The following GPC6 variants were observed in gnomAD, a reference collection of about 807,000 sequenced individuals.
GPC6 encodes glypican-6.
Under a neutral mutation model 55.2 loss-of-function variants are expected in GPC6, and 14 were observed. The observed-to-expected ratio is 0.25, with a 90% CI of 0.17 to 0.40. The LOEUF is 0.40. Among genes scored for constraint, GPC6 ranks in the 10% least tolerant of loss-of-function variants. The pLI, the probability that GPC6 is intolerant of heterozygous loss-of-function variation, is 1.00. For missense variants in GPC6, 641 were observed against 708.5 expected (o/e 0.90, Z 1.08); for synonymous variants, 278 against 259.6 (o/e 1.07, Z -0.68).
intron 3 of GPC6, among the ~76,000 whole-genome samples, chr13:93,902,815 T>G (rs935784504): frequency 6.6e-6 from 1 of 152,244 alleles, no homozygotes; most frequent in Non-Finnish European, 1.5e-5. Flanking sequence ...ATAAAACTGT[T>G]ACACATTTGT....
intron 6 of GPC6, among the ~76,000 whole-genome samples, chr13:94,371,792 GT>G (rs1430746685): frequency 1.3e-5 from 2 of 152,134 alleles, no homozygotes; most frequent in East Asian, 3.8e-4. Context: ...TTCAATAATG[GT>G]TGACTATTTT....
intron 4 of GPC6, among the ~76,000 whole-genome samples, chr13:94,271,161 T>C (rs1891994095): frequency 6.6e-6 from 1 of 150,790 alleles, no homozygotes; most frequent in African/African-American, 2.4e-5. Flanking sequence ...CGGCTAATTT[T>C]TTGTATTTTT....
chr13:94,038,366 C>G (rs1317331004), intron 4 of GPC6, among the ~76,000 whole-genome samples: 1 of 151,774 alleles, frequency 6.6e-6, no homozygotes, highest in Non-Finnish European at 1.5e-5. Context: ...TAGACCTAGA[C>G]TAGGCACATA....
intron 3 of GPC6, among the ~76,000 whole-genome samples, chr13:93,840,121 A>G (rs769489187): frequency 6.6e-6 from 1 of 152,072 alleles, no homozygotes; most frequent in Non-Finnish European, 1.5e-5. Context: ...GGTAATTTTA[A>G]AATTACCATT....
chr13:93,971,333 G>A (rs1410781974), intron 3 of GPC6, among the ~76,000 whole-genome samples: 1 of 152,156 alleles, frequency 6.6e-6, no homozygotes, highest in Non-Finnish European at 1.5e-5. Context: ...AGAAGTAACT[G>A]TGTATGGTGA....
At chr13:94,391,880 G>A (rs763844537) in intron 7 of GPC6, among the ~76,000 whole-genome samples, 1 of 152,066 alleles carries the variant, frequency 6.6e-6, no homozygotes, top group Admixed American at 6.5e-5. Context: ...CCTCATATAA[G>A]TGGAATCATA....
At chr13:94,198,823 G>T (rs1889662153) in intron 4 of GPC6, among the ~76,000 whole-genome samples, 2 of 152,178 alleles carry the variant, frequency 1.3e-5, no homozygotes, top group African/African-American at 4.8e-5. Flanking sequence ...GTTGCTGTTT[G>T]CTCAACCCCC....
chr13:93,495,588 A>C (rs1178068668), intron 1 of GPC6, among the ~76,000 whole-genome samples: 131 of 114,704 alleles, frequency 1.1e-3, no homozygotes, highest in African/African-American at 4.0e-3. Context: ...CCTTTGGAGG[A>C]GGAGAGGTGC....
intron 4 of GPC6, among the ~76,000 whole-genome samples, chr13:94,202,464 G>T (rs1461554939): frequency 6.6e-6 from 1 of 152,160 alleles, no homozygotes; most frequent in Non-Finnish European, 1.5e-5. Context: ...AAGAATGAGA[G>T]CCAAGTGAAA....
chr13:93,579,749 A>G (rs1364873046), intron 2 of GPC6, among the ~76,000 whole-genome samples: 2 of 152,106 alleles, frequency 1.3e-5, no homozygotes, highest in Non-Finnish European at 2.9e-5. Context: ...ATTGTTTAGG[A>G]CTCATAAGAC....
intron 1 of GPC6, among the ~76,000 whole-genome samples, chr13:93,281,264 T>C (rs1395500445): frequency 1.3e-5 from 2 of 152,128 alleles, no homozygotes; most frequent in African/African-American, 4.8e-5. Context: ...CATTTATTTA[T>C]TTATTTCTCA....
intron 1 of GPC6, among the ~76,000 whole-genome samples, chr13:93,252,760 A>G (rs1876829620): frequency 6.6e-6 from 1 of 152,224 alleles, no homozygotes; most frequent in Non-Finnish European, 1.5e-5. Flanking sequence ...TAGGTACTCA[A>G]TAAATAATTA....
At chr13:93,929,143 A>G (rs1280988191) in intron 3 of GPC6, among the ~76,000 whole-genome samples, 1 of 152,132 alleles carries the variant, frequency 6.6e-6, no homozygotes, top group Non-Finnish European at 1.5e-5. Flanking sequence ...TTCATGATTC[A>G]TACCTGGCCC....
At chr13:93,689,449 G>C (rs1594373954) in intron 2 of GPC6, among the ~76,000 whole-genome samples, 1 of 152,030 alleles carries the variant, frequency 6.6e-6, no homozygotes. Flanking sequence ...GGAGTATCAA[G>C]CACATTAGGG....
intron 2 of GPC6, among the ~76,000 whole-genome samples, chr13:93,549,150 G>A (rs1874988445): frequency 6.6e-6 from 1 of 152,070 alleles, no homozygotes; most frequent in East Asian, 1.9e-4. Flanking sequence ...AATTTTGGAT[G>A]GATGAAGACC....
At chr13:93,466,294 G>T (rs556936739) in intron 1 of GPC6, among the ~76,000 whole-genome samples, 24 of 152,192 alleles carry the variant, frequency 1.6e-4, no homozygotes, top group African/African-American at 4.6e-4. Flanking sequence ...GATTCATCTA[G>T]ATATTCTTTG....
chr13:93,386,395 T>G (rs1170828248), intron 1 of GPC6, among the ~76,000 whole-genome samples: 10 of 152,170 alleles, frequency 6.6e-5, no homozygotes. Context: ...TTTTTCCTCT[T>G]GTCAGGAATA....
chr13:93,454,609 T>C lies in GPC6; in HGVS notation c.161-90654T>C, dbSNP rs555986181. ...GAGCTAGAGACAGGGTGCTGAGTGG[T>C]GTTTTTACAAACCTTGAGCTAGAGA... On this transcript the variant is annotated intron_variant, in intron 1 of 8. Transcript: ENST00000377047. Among the ~76,000 whole-genome samples the C allele has an allele frequency of 4.1e-5, 4 of 96,524 alleles. No individual in the cohort carries two copies. The Admixed American group carries it at 4.3e-4, about 10-fold the overall frequency. The allele number at this position is 96,524 out of a possible 152,430, so 63.3% of individuals were successfully genotyped here. A position where few individuals can be genotyped will look rare whatever the true frequency, so the allele number is the denominator to read the frequency against.
chr13:93,567,435 G>A (rs769621158), intron 2 of GPC6, among the ~76,000 whole-genome samples: 2 of 151,960 alleles, frequency 1.3e-5, no homozygotes, highest in Non-Finnish European at 2.9e-5. Context: ...ACAACATTTT[G>A]TTAGACATAA....
Sources: gnomAD v4.1 joint callset for allele counts (sites outside exome capture counted in the v4.1 genomes callset) on GRCh38, gnomAD v4.1.1 for gene constraint, MANE v1.5 for transcripts, NCBI Gene and HGNC (gene_info 2026-07-23, HGNC 2026-07-21) for gene names.